NXNL2: variants seen among roughly 807,000 people sequenced by gnomAD.
The protein encoded by NXNL2 is nucleoredoxin-like protein 2.
In NXNL2, 7 loss-of-function variants were observed where a neutral mutation model predicts 11.1. The observed-to-expected ratio is 0.63, with a 90% CI of 0.36 to 1.18. The LOEUF is 1.18. NXNL2 is among the 50% of genes most tolerant of loss of function. The pLI, the probability that NXNL2 is intolerant of heterozygous loss-of-function variation, is 0.02. For synonymous variants in NXNL2, 109 were observed against 101.8 expected (o/e 1.07, Z -0.42); for missense variants, 233 against 217.7 (o/e 1.07, Z -0.44).
downstream of NXNL2, among the ~76,000 whole-genome samples, chr9:88,547,453 C>A (rs1023389079): frequency 6.6e-6 from 1 of 152,194 alleles, no homozygotes; most frequent in East Asian, 1.9e-4. Context: ...CAAACACACA[C>A]ACAGACACAG....
chr9:88,535,694 A>G lies in NXNL2; in HGVS notation c.260A>G (p.His87Arg), dbSNP rs1328749837. The G allele has an allele frequency of 6.3e-6, 10 of 1,599,498 alleles. No individual in the cohort carries two copies. Among genetic ancestry groups the G allele is most frequent in the Non-Finnish European group, 8.5e-6 (10 of 1,175,880 alleles). ...QEMLDFMREL[H>R]GAWLALPFHD... ...ATGCTGGACTTCATGCGCGAGCTGC[A>G]TGGCGCCTGGCTGGCGCTGCCCTTC... is the stretch of plus-strand genomic sequence containing the variant. The change falls in exon 1 of 2, where the codon CAT (histidine) becomes CGT (arginine). Residue 87 changes from histidine to arginine, a missense_variant. By Grantham distance (29) the His-to-Arg change is conservative. Transcript: ENST00000375854.
At chr9:88,566,104 C>T (rs1167320522) in intron 1 of NXNL2, among the ~76,000 whole-genome samples, 1 of 152,086 alleles carries the variant, frequency 6.6e-6, no homozygotes, top group East Asian at 1.9e-4. Flanking sequence ...ATCAGATATA[C>T]AGTTTACAGA....
chr9:88,563,337 G>T (rs1291978416), intron 1 of NXNL2, among the ~76,000 whole-genome samples: 1 of 152,186 alleles, frequency 6.6e-6, no homozygotes, highest in Non-Finnish European at 1.5e-5. Flanking sequence ...ATCTGTTGCT[G>T]ATTACTTTAT....
At position 88,535,576 on chromosome 9, in the gene NXNL2, C is replaced by A. The variant is rs200474983; in HGVS notation, c.142C>A (p.Leu48Ile). ...CAPSRDFTPL[L>I]CDFYTALVAE... ...GCCGAGCCGCGACTTCACGCCGCTG[C>A]TCTGCGACTTCTATACGGCGCTGGT... The change falls in exon 1 of 2, where the codon CTC becomes ATC. Residue 48 changes from leucine (L) to isoleucine (I), a missense_variant. Leu to Ile is a conservative substitution (Grantham distance 5). Coordinates refer to ENST00000375854, the MANE Select transcript of NXNL2 (RefSeq NM_001161625.2). The A allele has an allele frequency of 2.4e-5, 39 of 1,609,878 alleles. No individual in the cohort carries two copies. Among genetic ancestry groups the A allele is most frequent in the Non-Finnish European group, 3.1e-5 (37 of 1,179,394 alleles).
At chr9:88,564,252 A>ATCTATCTG (rs1402890866) in intron 1 of NXNL2, among the ~76,000 whole-genome samples, 5 of 134,336 alleles carry the variant, frequency 3.7e-5, no homozygotes, top group African/African-American at 1.5e-4. Context: ...CTATCTATCT[A>ATCTATCTG]TCTATCTATC....
chr9:88,564,455 C>T (rs928036123), intron 1 of NXNL2, among the ~76,000 whole-genome samples: 1 of 151,862 alleles, frequency 6.6e-6, no homozygotes, highest in Non-Finnish European at 1.5e-5. Context: ...TCACTCTTGT[C>T]GCCCAGGCTG....
chr9:88,544,739 C>A lies in NXNL2; in HGVS notation c.*192C>A. 2.9e-6 allele frequency: 4 copies of A among 1,364,556 alleles called. No individual in the cohort carries two copies. Among genetic ancestry groups the A allele is most frequent in the Non-Finnish European group, 3.8e-6 (4 of 1,064,312 alleles). 84.5% of individuals were successfully genotyped at this position (1,364,556 alleles called of 1,614,324 possible). A position where few individuals can be genotyped will look rare whatever the true frequency, so the allele number is the denominator to read the frequency against. On this transcript the variant is annotated 3_prime_UTR_variant, in exon 2 of 2. Transcript: ENST00000375854. ...ACACTCCATATTTTGATCATGCAGG[C>A]TGTTTGTATTATAGTTATTTTTGTT... is the stretch of plus-strand genomic sequence containing the variant.
At chr9:88,561,418 CATCT>C (rs535205339) in intron 1 of NXNL2, among the ~76,000 whole-genome samples, 163 of 152,186 alleles carry the variant, frequency 1.1e-3, no homozygotes, top group African/African-American at 2.0e-3. Context: ...CTTTATCTAT[CATCT>C]ATCTATCAAT....
intron 1 of NXNL2, among the ~76,000 whole-genome samples, chr9:88,558,957 C>T (rs1427342257): frequency 1.3e-5 from 2 of 152,220 alleles, no homozygotes; most frequent in South Asian, 2.1e-4. Context: ...TGGTCCCTGT[C>T]CCCATCTTTC....
intron 1 of NXNL2, among the ~76,000 whole-genome samples, chr9:88,566,834 G>A (rs1444649599): frequency 6.6e-6 from 1 of 152,026 alleles, no homozygotes; most frequent in African/African-American, 2.4e-5. Context: ...TTATTCCTAA[G>A]TATTTTATTT....
At chr9:88,556,954 C>T (rs1258733825) in intron 1 of NXNL2, among the ~76,000 whole-genome samples, 1 of 151,656 alleles carries the variant, frequency 6.6e-6, no homozygotes, top group East Asian at 2.0e-4. Context: ...GGTTGCAGAC[C>T]CCTGTAGTCC....
chr9:88,573,880 G>A (rs7869672), intron 2 of NXNL2, among the ~76,000 whole-genome samples: 9,360 of 152,244 alleles, frequency 0.061, 911 homozygotes, highest in African/African-American at 0.21. Context: ...AGTGCTAAAC[G>A]TTAGTAGTTA....
chr9:88,577,301 G>C (rs928458479), downstream of NXNL2, among the ~76,000 whole-genome samples: 6 of 138,360 alleles, frequency 4.3e-5, no homozygotes, highest in South Asian at 2.2e-4. Flanking sequence ...GTGACTGGGC[G>C]GGGGGGGCGG....
At chr9:88,546,006 A>AT (rs1204575665), downstream of NXNL2, among the ~76,000 whole-genome samples, 13 of 152,252 alleles carry the variant, frequency 8.5e-5, no homozygotes, top group East Asian at 7.7e-4. Flanking sequence ...ACCTCAGGTG[A>AT]TCCACCCGCC....
chr9:88,535,911 T>C (rs534739127), intron 1 of NXNL2, among the ~76,000 whole-genome samples, 175 bp downstream of exon 1: 2 of 151,656 alleles, frequency 1.3e-5, no homozygotes, highest in Admixed American at 1.3e-4. Flanking sequence ...TCAACCTCTC[T>C]TGGAGACCAG....
At chr9:88,542,278 A>T (rs1407069224) in intron 1 of NXNL2, among the ~76,000 whole-genome samples, 1 of 151,562 alleles carries the variant, frequency 6.6e-6, no homozygotes, top group Non-Finnish European at 1.5e-5. Flanking sequence ...ACGAACAAAA[A>T]AATATATATT....
intron 1 of NXNL2, 21 bp downstream of exon 1, chr9:88,535,757 G>A (rs772770990): frequency 6.5e-7 from 1 of 1,526,796 alleles, no homozygotes; most frequent in African/African-American, 1.4e-5. Context: ...GTCCTGGGGG[G>A]GCGGGGGCCG....
intron 1 of NXNL2, among the ~76,000 whole-genome samples, chr9:88,555,722 G>A (rs1830000160): frequency 6.6e-6 from 1 of 152,102 alleles, no homozygotes; most frequent in Admixed American, 6.5e-5. Flanking sequence ...GCCTTTGCTC[G>A]GGCTTTGCTT....
At chr9:88,537,434 G>A (rs765129987) in intron 1 of NXNL2, among the ~76,000 whole-genome samples, 1 of 152,210 alleles carries the variant, frequency 6.6e-6, no homozygotes, top group Admixed American at 6.5e-5. Flanking sequence ...AGTGAGCTGC[G>A]TGACGTGGGT....
Sources: allele counts gnomAD v4.1 joint callset (sites outside exome capture counted in the v4.1 genomes callset), GRCh38; gene constraint gnomAD v4.1.1; transcripts MANE v1.5; gene names NCBI Gene and HGNC (gene_info 2026-07-23, HGNC 2026-07-21).